The following MGAT4C variants were observed in gnomAD, a reference collection of about 807,000 sequenced individuals.
The protein encoded by MGAT4C is MGAT4 family member C.
Under a neutral mutation model 40.1 loss-of-function variants are expected in MGAT4C, and 19 were observed. The observed-to-expected ratio is 0.47, with a 90% CI of 0.33 to 0.70. MGAT4C has a LOEUF of 0.70. Among genes scored for constraint, MGAT4C ranks in the 30% least tolerant of loss-of-function variants. The pLI is 0.02. For synonymous variants in MGAT4C, 181 were observed against 187.1 expected (o/e 0.97, Z 0.27); for missense variants, 491 against 563.2 (o/e 0.87, Z 1.30).
chr12:86,699,099 C>G (rs1440966192), intron 2 of MGAT4C, among the ~76,000 whole-genome samples: 1 of 152,020 alleles, frequency 6.6e-6, no homozygotes, highest in African/African-American at 2.4e-5. Flanking sequence ...AATAGGAATT[C>G]TATGTCTTCT....
chr12:86,523,392 A>G (rs1459226862), intron 2 of MGAT4C, among the ~76,000 whole-genome samples: 1 of 152,070 alleles, frequency 6.6e-6, no homozygotes, highest in Non-Finnish European at 1.5e-5. Context: ...CCATGTAAAC[A>G]TATGGTTTTG....
chr12:86,515,408 A>G (rs1225709560), intron 2 of MGAT4C, among the ~76,000 whole-genome samples: 1 of 151,436 alleles, frequency 6.6e-6, no homozygotes, highest in East Asian at 1.9e-4. Flanking sequence ...AAAGCATATA[A>G]TAACTTATAA....
intron 1 of MGAT4C, among the ~76,000 whole-genome samples, chr12:86,230,057 G>A (rs989366662): frequency 6.6e-6 from 1 of 151,912 alleles, no homozygotes; most frequent in Non-Finnish European, 1.5e-5. Flanking sequence ...AGAATGCAAG[G>A]TACACAAAAG....
chr12:86,225,968 A>G (rs939513473), intron 1 of MGAT4C, among the ~76,000 whole-genome samples: 1 of 152,058 alleles, frequency 6.6e-6, no homozygotes, highest in African/African-American at 2.4e-5. Context: ...CAAAGAAATA[A>G]AAAGCATCCA....
intron 4 of MGAT4C, among the ~76,000 whole-genome samples, chr12:86,264,500 A>G (rs1391781894): frequency 6.6e-6 from 1 of 152,130 alleles, no homozygotes; most frequent in African/African-American, 2.4e-5. Context: ...CGCACTCCAC[A>G]GAGCCAAGGG....
rs1246429483 is a variant in MGAT4C at position 85,978,464 on chromosome 12, T to G, written c.*825A>C. Reference sequence around the variant, plus strand: ...ATGTATAAAATCAATTTCCAAAAATTTTCTGCATATACTGAAAATGTCTGT... The same window carrying G: ...ATGTATAAAATCAATTTCCAAAAATGTTCTGCATATACTGAAAATGTCTGT... On this transcript the variant is annotated 3_prime_UTR_variant, in exon 5 of 5. Coordinates refer to ENST00000611864, the MANE Select transcript of MGAT4C (RefSeq NM_001351288.2). 6.6e-6 allele frequency: 1 copy of G among 152,054 alleles called. No individual in the cohort carries two copies. The highest frequency in any genetic ancestry group is 2.4e-5 in the African/African-American group (1 of 41,410). 9.4% of individuals were successfully genotyped at this position (152,054 alleles called of 1,614,324 possible).
At position 86,059,323 on chromosome 12, in the gene MGAT4C, T is replaced by C. The variant is rs1404587414; in HGVS notation, c.-56-9600A>G. Among the ~76,000 whole-genome samples, 5 of 152,238 alleles carry C rather than the reference T, an allele frequency of 3.3e-5. No homozygotes were observed. The East Asian group carries it at 9.6e-4, about 29-fold the overall frequency. Reference sequence around the variant, plus strand: ...TCCCTAAGTGCTGGGATTACAGGCATGAGCCACCGCACCCAGCCTTAACAT... The same window carrying C: ...TCCCTAAGTGCTGGGATTACAGGCACGAGCCACCGCACCCAGCCTTAACAT... On this transcript the variant is annotated intron_variant, in intron 1 of 4. Coordinates refer to ENST00000611864, the MANE Select transcript of MGAT4C (RefSeq NM_001351288.2).
chr12:86,005,418 G>A (rs149092901), intron 2 of MGAT4C, among the ~76,000 whole-genome samples: 233 of 152,288 alleles, frequency 1.5e-3, no homozygotes, highest in African/African-American at 5.0e-3. Flanking sequence ...GGTTTTGACT[G>A]CAATGTCATA....
intron 3 of MGAT4C, among the ~76,000 whole-genome samples, chr12:86,393,313 C>T (rs1956189650): frequency 6.6e-6 from 1 of 152,034 alleles, no homozygotes; most frequent in Non-Finnish European, 1.5e-5. Flanking sequence ...TTCTTAATTA[C>T]AGCATGTCTA....
intron 1 of MGAT4C, among the ~76,000 whole-genome samples, chr12:86,743,399 A>G (rs1951104351): frequency 6.6e-6 from 1 of 151,576 alleles, no homozygotes; most frequent in African/African-American, 2.4e-5. Flanking sequence ...TACATTTTAT[A>G]TTTTAAAAGA....
intron 2 of MGAT4C, among the ~76,000 whole-genome samples, chr12:86,510,721 A>G (rs953423121): frequency 6.6e-6 from 1 of 152,196 alleles, no homozygotes; most frequent in Non-Finnish European, 1.5e-5. Flanking sequence ...CTTTAAATCA[A>G]CAAAGATCAA....
At chr12:86,539,624 G>A (rs1038537153) in intron 2 of MGAT4C, among the ~76,000 whole-genome samples, 4 of 152,012 alleles carry the variant, frequency 2.6e-5, no homozygotes, top group Admixed American at 2.6e-4. Flanking sequence ...GGTTGAACTA[G>A]TTTACACTCC....
chr12:86,728,843 T>C (rs1950864351), intron 1 of MGAT4C, among the ~76,000 whole-genome samples: 1 of 152,198 alleles, frequency 6.6e-6, no homozygotes, highest in Non-Finnish European at 1.5e-5. Flanking sequence ...ATTATGAAAA[T>C]ACACTGTTTT....
intron 1 of MGAT4C, among the ~76,000 whole-genome samples, chr12:86,060,254 A>G (rs1291160671): frequency 1.3e-5 from 2 of 152,206 alleles, no homozygotes; most frequent in East Asian, 3.8e-4. Context: ...TTGTTTTTCA[A>G]TTATAGAATT....
chr12:86,373,423 T>G (rs1197963379), intron 3 of MGAT4C, among the ~76,000 whole-genome samples: 1 of 151,938 alleles, frequency 6.6e-6, no homozygotes, highest in East Asian at 1.9e-4. Context: ...AGTGAAACTG[T>G]CCAGACAGAA....
chr12:86,144,158 G>GT (rs902634255), intron 1 of MGAT4C, among the ~76,000 whole-genome samples: 4 of 152,092 alleles, frequency 2.6e-5, no homozygotes, highest in African/African-American at 9.7e-5. Context: ...TGTACTTTAC[G>GT]TTTTTTACAT....
intron 2 of MGAT4C, among the ~76,000 whole-genome samples, chr12:86,539,717 C>T (rs149959172): frequency 6.6e-6 from 1 of 152,194 alleles, no homozygotes; most frequent in Non-Finnish European, 1.5e-5. Context: ...GCCATTCTAA[C>T]TGGTGTGAGA....
chr12:86,328,596 T>C lies in MGAT4C; in HGVS notation c.-57+5469A>G, dbSNP rs1013643823. Among the ~76,000 whole-genome samples, 100 of 152,118 alleles carry C rather than the reference T, an allele frequency of 6.6e-4. 1 individual carries two copies. Among genetic ancestry groups the C allele is most frequent in the African/African-American group, 2.1e-3 (86 of 41,446 alleles). On this transcript the variant is annotated intron_variant, in intron 4 of 7. Coordinates refer to the MGAT4C transcript ENST00000548651. ...CCAAGAAACATCAAGTGGGAATAAT[T>C]GTAACAAAATTTGTGAGATTCATAT...
At chr12:86,073,967 C>T (rs1869128064) in intron 1 of MGAT4C, among the ~76,000 whole-genome samples, 1 of 152,110 alleles carries the variant, frequency 6.6e-6, no homozygotes, top group South Asian at 2.1e-4. Context: ...GCTATGTCCT[C>T]ACCCAAATCT....
Sources: allele counts gnomAD v4.1 joint callset (sites outside exome capture counted in the v4.1 genomes callset), GRCh38; gene constraint gnomAD v4.1.1; transcripts MANE v1.5; gene names NCBI Gene and HGNC (gene_info 2026-07-23, HGNC 2026-07-21).